Variants in INTS14 observed in about 807,000 individuals in gnomAD.
The protein encoded by INTS14 is UPF0464 protein C15orf44.
INTS14 carries 27 observed loss-of-function variants against 56.9 expected under a neutral mutation model. The ratio of observed to expected loss-of-function variants is 0.47; its 90% CI spans 0.35 to 0.65. INTS14 has a LOEUF of 0.65. Among genes scored for constraint, INTS14 ranks in the 30% least tolerant of loss-of-function variants. The probability of loss-of-function intolerance (pLI) is 0.00; values close to 1 mark genes in which losing one functional copy is unlikely to be tolerated. For missense variants in INTS14, 517 were observed against 632.2 expected (o/e 0.82, Z 1.95); for synonymous variants, 207 against 236.2 (o/e 0.88, Z 1.13).
chr15:65,587,816 T>TA (rs1489641002), intron 9 of INTS14, among the ~76,000 whole-genome samples: 6 of 151,554 alleles, frequency 4.0e-5, no homozygotes, highest in Non-Finnish European at 8.8e-5. Flanking sequence ...CTTGTCTCTA[T>TA]AAAAAAATCA....
chr15:65,586,505 T>C (rs542417217), intron 9 of INTS14: 1 of 152,366 alleles, frequency 6.6e-6, no homozygotes, highest in South Asian at 2.1e-4. Flanking sequence ...TAGTGGTTTT[T>C]GTAGACCCTT....
At chr15:65,596,484 G>A (rs2073216762) in intron 6 of INTS14, among the ~76,000 whole-genome samples, 1 of 152,126 alleles carries the variant, frequency 6.6e-6, no homozygotes, top group African/African-American at 2.4e-5. Context: ...ATATTTTATT[G>A]ATGTGCTTTT....
chr15:65,598,441 T>G lies in INTS14; in HGVS notation c.628A>C (p.Thr210Pro). ...CACTTGAGAACAGCATGGAAAGGCGTATATGCCAAATCTATCAGTTTTCTA... is the reference window on the plus strand; with the variant it reads ...CACTTGAGAACAGCATGGAAAGGCGGATATGCCAAATCTATCAGTTTTCTA... Reference protein sequence around the residue: ...MFGKLIDLAYTPFHAVLKCGH... With the variant: ...MFGKLIDLAYPPFHAVLKCGH... The change falls in exon 6 of 12, where the codon ACG becomes CCG. Residue 210 changes from threonine (T) to proline (P), a missense_variant. By Grantham distance (38) the Thr-to-Pro change is conservative. Transcript: ENST00000313182. The G allele has an allele frequency of 3.7e-6, 6 of 1,613,974 alleles. No homozygotes were observed. The highest frequency in any genetic ancestry group is 5.1e-6 in the Non-Finnish European group (6 of 1,179,898).
chr15:65,610,667 T>A, intron 1 of INTS14: 1 of 1,535,332 alleles, frequency 6.5e-7, no homozygotes, highest in South Asian at 1.2e-5. Flanking sequence ...GGATTCTACC[T>A]GAATTTCTAG....
intron 6 of INTS14, among the ~76,000 whole-genome samples, chr15:65,597,542 A>G (rs1320383760): frequency 6.6e-6 from 1 of 152,200 alleles, no homozygotes; most frequent in Non-Finnish European, 1.5e-5. Context: ...AACACGAACC[A>G]GGTAAAAGCT....
intron 9 of INTS14, 45 bp from the exon 10 acceptor site, chr15:65,584,933 A>G (rs1212845197): frequency 2.0e-6 from 3 of 1,495,658 alleles, no homozygotes; most frequent in East Asian, 4.6e-5. Flanking sequence ...GTAAAACACA[A>G]TCAGTTACAT....
At chr15:65,594,868 C>T (rs1026278679) in intron 7 of INTS14, among the ~76,000 whole-genome samples, 3 of 152,096 alleles carry the variant, frequency 2.0e-5, no homozygotes, top group African/African-American at 7.2e-5. Flanking sequence ...GATTATAAAG[C>T]TGTCTGTGGG....
Position 65,596,122 on chromosome 15 carries a change from G to A in INTS14, c.749-297C>T, listed in dbSNP as rs1163007563. Among the ~76,000 whole-genome samples the A allele has an allele frequency of 2.0e-5, 3 of 152,220 alleles. No homozygotes were observed. The East Asian group carries it at 5.8e-4, about 29-fold the overall frequency. On this transcript the variant is annotated intron_variant, in intron 6 of 11. Coordinates refer to ENST00000313182, the MANE Select transcript of INTS14 (RefSeq NM_001394796.1). ...AAACTGAAAGGTCTAATCCCTCTGT[G>A]TAGTCAGGGATGTTCAGGTCACCAG...
At chr15:65,610,871 G>T in intron 1 of INTS14, 1 of 1,509,422 alleles carries the variant, frequency 6.6e-7, no homozygotes, top group Non-Finnish European at 8.8e-7. Flanking sequence ...GCTGAGCAGA[G>T]GGCGAAATCG....
At chr15:65,592,048 GACCTATAGGTCCTGTC>G (rs1239367865) in intron 8 of INTS14, among the ~76,000 whole-genome samples, 2 of 152,202 alleles carry the variant, frequency 1.3e-5, no homozygotes, top group Non-Finnish European at 2.9e-5. Flanking sequence ...TAAAGGCTGT[GACCTATAGGTCCTGTC>G]ACCTGCCTCA....
Position 65,607,182 on chromosome 15 carries a change from T to G in INTS14, c.199A>C (p.Thr67Pro). 1 of 1,614,204 alleles carries G rather than the reference T, an allele frequency of 6.2e-7. No individual in the cohort carries two copies. The highest frequency in any genetic ancestry group is 8.5e-7 in the Non-Finnish European group (1 of 1,180,034). ...ACCTGTAGGGTATTATAATCTCTCG[T>G]GAAGGGGACCATCAACTCCCAAAGT... ...SSLWELMVPF[T>P]RDYNTLQEAL... The change falls in exon 2 of 12, where the codon ACG (threonine) becomes CCG (proline). Residue 67 changes from threonine (T) to proline (P), a missense_variant. Physicochemically the swap from Thr to Pro is conservative, Grantham distance 38 (BLOSUM62 -1). Coordinates refer to ENST00000313182, the MANE Select transcript of INTS14 (RefSeq NM_001394796.1).
intron 9 of INTS14, among the ~76,000 whole-genome samples, chr15:65,588,938 A>C (rs1006899160): frequency 6.6e-6 from 1 of 152,214 alleles, no homozygotes; most frequent in Admixed American, 6.5e-5. Flanking sequence ...AGTTAAGTTC[A>C]TTATAATATT....
Position 65,605,155 on chromosome 15 carries a change from C to T in INTS14, c.304G>A (p.Glu102Lys). 6.2e-7 allele frequency: 1 copy of T among 1,614,114 alleles called. No homozygotes were observed. Among genetic ancestry groups the T allele is most frequent in the Non-Finnish European group, 8.5e-7 (1 of 1,179,968 alleles). ...TGGCAAGGAATTGCACCACCCCATT[C>T]TTGCTGAACGATATTGCAAACACCA... is the stretch of plus-strand genomic sequence containing the variant. Reference protein sequence around the residue: ...LVGVCNIVQQEWGGAIPCQVV... With the variant: ...LVGVCNIVQQKWGGAIPCQVV... The change falls in exon 3 of 12, where the codon GAA (glutamate) becomes AAA (lysine). Residue 102 changes from glutamate to lysine, a missense_variant. Transcript: ENST00000313182.
intron 6 of INTS14, 126 bp downstream of exon 6, chr15:65,598,195 C>G: frequency 1.0e-6 from 1 of 965,136 alleles, no homozygotes; most frequent in South Asian, 2.4e-5. Context: ...GTAAGGAATA[C>G]TCAACCTGTA....
intron 9 of INTS14, among the ~76,000 whole-genome samples, chr15:65,586,158 G>C (rs1413462529): frequency 6.6e-6 from 1 of 152,158 alleles, no homozygotes; most frequent in African/African-American, 2.4e-5. Context: ...ATTGTGCCTA[G>C]AGAAGATACT....
Position 65,598,942 on chromosome 15 carries a change from TTAAATC to T in INTS14, c.529_534del (p.Asp177_Leu178del). The T allele has an allele frequency of 6.2e-7, 1 of 1,614,016 alleles. No homozygotes were observed. The highest frequency in any genetic ancestry group is 8.5e-7 in the Non-Finnish European group (1 of 1,179,952). ...GTAAAAATCTGCCCTTCACCATTGT[TTAAATC>T]TATGAGACGTTCAAGGCATTCCAAG... On this transcript the variant is annotated inframe_deletion, in exon 5 of 12. Transcript: ENST00000313182.
chr15:65,583,752 ATAATT>A (rs1312759978), intron 10 of INTS14, among the ~76,000 whole-genome samples: 1 of 152,340 alleles, frequency 6.6e-6, no homozygotes, highest in Admixed American at 6.5e-5. Context: ...ATTAAAAAAA[ATAATT>A]TAAGAAAAGC....
At chr15:65,597,628 C>T in intron 6 of INTS14, among the ~76,000 whole-genome samples, 1 of 152,148 alleles carries the variant, frequency 6.6e-6, no homozygotes, top group East Asian at 1.9e-4. Context: ...TCCAAGAACT[C>T]CAAGACCATC....
At chr15:65,603,667 T>C (rs1324632862) in intron 3 of INTS14, among the ~76,000 whole-genome samples, 1 of 152,170 alleles carries the variant, frequency 6.6e-6, no homozygotes. Flanking sequence ...CTGACATTAC[T>C]GAGGAATCCT....
Sources: gnomAD v4.1 joint callset for allele counts (sites outside exome capture counted in the v4.1 genomes callset) on GRCh38, gnomAD v4.1.1 for gene constraint, MANE v1.5 for transcripts, NCBI Gene and HGNC (gene_info 2026-07-23, HGNC 2026-07-21) for gene names.